APBA1: variants seen among roughly 807,000 people sequenced by gnomAD.
APBA1 encodes the protein amyloid-beta A4 precursor protein-binding family A member 1.
APBA1 carries 55 observed loss-of-function variants against 86.6 expected under a neutral mutation model. The ratio of observed to expected loss-of-function variants is 0.64; its 90% CI spans 0.51 to 0.80. APBA1 has a LOEUF of 0.80. Among genes scored for constraint, APBA1 ranks in the 30% least tolerant of loss-of-function variants. The probability of loss-of-function intolerance (pLI) is 0.00; values close to 1 mark genes in which losing one functional copy is unlikely to be tolerated. For synonymous variants in APBA1, 511 were observed against 493.9 expected (o/e 1.03, Z -0.46); for missense variants, 1,090 against 1,183.0 (o/e 0.92, Z 1.15).
chr9:69,589,251 C>A (rs571586718), intron 1 of APBA1, among the ~76,000 whole-genome samples: 2 of 152,098 alleles, frequency 1.3e-5, no homozygotes, highest in Non-Finnish European at 2.9e-5. Flanking sequence ...CCACTGCTCC[C>A]GGTGTGTCTC....
chr9:69,642,712 G>A (rs564211070), intron 1 of APBA1, among the ~76,000 whole-genome samples: 13 of 151,828 alleles, frequency 8.6e-5, no homozygotes, highest in Non-Finnish European at 1.5e-4. Context: ...TTTTTGAGGA[G>A]ATTAACATTT....
chr9:69,608,964 A>T (rs1822528495), intron 1 of APBA1, among the ~76,000 whole-genome samples: 2 of 152,254 alleles, frequency 1.3e-5, no homozygotes, highest in Admixed American at 1.3e-4. Context: ...AGTAGGTGAT[A>T]TCTAACATGG....
At chr9:69,583,188 G>A (rs1401327015) in intron 1 of APBA1, among the ~76,000 whole-genome samples, 1 of 152,146 alleles carries the variant, frequency 6.6e-6, no homozygotes. Context: ...GGTATTAAGT[G>A]GAAATGCTAT....
chr9:69,553,514 T>TAA, intron 1 of APBA1, among the ~76,000 whole-genome samples: 1 of 152,330 alleles, frequency 6.6e-6, no homozygotes, highest in Non-Finnish European at 1.5e-5. Flanking sequence ...TATAATGATT[T>TAA]AAAATTCACC....
At chr9:69,665,884 C>A (rs1020392678) in intron 1 of APBA1, among the ~76,000 whole-genome samples, 2 of 152,068 alleles carry the variant, frequency 1.3e-5, no homozygotes, top group African/African-American at 4.8e-5. Context: ...TACAAGCATG[C>A]GCCACCATGC....
rs554340981 is a variant in APBA1, at chr9:69,581,487, G to A, written c.-69-64208C>T. On this transcript the variant is annotated intron_variant, in intron 1 of 12. Transcript: ENST00000265381. ...ATATACTGCCTTCAGGTGTGTTTGCGGGGGCAGAGAGTTGACTACGTGAAT... is the reference window on the plus strand; with the variant it reads ...ATATACTGCCTTCAGGTGTGTTTGCAGGGGCAGAGAGTTGACTACGTGAAT... 6.6e-5 allele frequency among the ~76,000 whole-genome samples: 10 copies of A among 152,258 alleles called. No homozygotes were observed. The East Asian group carries it at 1.4e-3, about 21-fold the overall frequency.
chr9:69,612,706 A>G (rs1356253998), intron 1 of APBA1, among the ~76,000 whole-genome samples: 1 of 152,076 alleles, frequency 6.6e-6, no homozygotes, highest in African/African-American at 2.4e-5. Flanking sequence ...AATGTACCAA[A>G]AAGATGTGTT....
chr9:69,597,937 T>C (rs1350334128), intron 1 of APBA1, among the ~76,000 whole-genome samples: 2 of 152,050 alleles, frequency 1.3e-5, no homozygotes, highest in East Asian at 1.9e-4. Flanking sequence ...TTACTGGGTA[T>C]ATACCCAAAG....
chr9:69,619,306 G>A (rs1471345921), intron 1 of APBA1, among the ~76,000 whole-genome samples: 1 of 152,160 alleles, frequency 6.6e-6, no homozygotes, highest in African/African-American at 2.4e-5. Context: ...CATGAAGACT[G>A]ACAGAACTAT....
chr9:69,591,750 G>A (rs1051098993), intron 1 of APBA1, among the ~76,000 whole-genome samples: 4 of 152,274 alleles, frequency 2.6e-5, no homozygotes. Flanking sequence ...TTACAGATCC[G>A]TTAAAATACT....
At chr9:69,656,742 C>T (rs1388791161) in intron 1 of APBA1, among the ~76,000 whole-genome samples, 1 of 151,882 alleles carries the variant, frequency 6.6e-6, no homozygotes, top group East Asian at 1.9e-4. Context: ...TTAAAAACAT[C>T]AAATATTAGA....
At chr9:69,662,758 A>G (rs1823775489) in intron 1 of APBA1, among the ~76,000 whole-genome samples, 1 of 152,192 alleles carries the variant, frequency 6.6e-6, no homozygotes, top group Non-Finnish European at 1.5e-5. Context: ...GGAAGAGTGA[A>G]GGACAGGAAA....
chr9:69,653,019 A>AC (rs569099416), intron 1 of APBA1, among the ~76,000 whole-genome samples: 3 of 151,384 alleles, frequency 2.0e-5, no homozygotes, highest in African/African-American at 2.4e-5. Flanking sequence ...ACAAGCAAAA[A>AC]AAAAACAAAA....
chr9:69,551,000 T>A (rs1318757141), intron 1 of APBA1, among the ~76,000 whole-genome samples: 1 of 152,154 alleles, frequency 6.6e-6, no homozygotes, highest in Non-Finnish European at 1.5e-5. Context: ...TATATGAATA[T>A]CTTAAAACCT....
intron 12 of APBA1, among the ~76,000 whole-genome samples, chr9:69,431,911 T>C (rs1834604265): frequency 6.6e-6 from 1 of 152,084 alleles, no homozygotes; most frequent in Admixed American, 6.5e-5. Context: ...ACAGCAGTGG[T>C]AACTGACAGC....
At chr9:69,553,523 C>T (rs955909388) in intron 1 of APBA1, among the ~76,000 whole-genome samples, 3 of 152,138 alleles carry the variant, frequency 2.0e-5, no homozygotes, top group Non-Finnish European at 2.9e-5. Context: ...TTAAAATTCA[C>T]CCATGTCATT....
intron 1 of APBA1, among the ~76,000 whole-genome samples, chr9:69,629,800 G>C (rs1823003634): frequency 6.6e-6 from 1 of 152,152 alleles, no homozygotes; most frequent in Admixed American, 6.5e-5. Flanking sequence ...ATTCTGTTTA[G>C]GGGACAAATA....
intron 1 of APBA1, among the ~76,000 whole-genome samples, chr9:69,613,661 C>T (rs1264061512): frequency 6.6e-6 from 1 of 152,152 alleles, no homozygotes; most frequent in Admixed American, 6.5e-5. Flanking sequence ...GATGTTCCTC[C>T]TTGAAGGCCT....
At chr9:69,454,991 C>T (rs966593669) in intron 8 of APBA1, among the ~76,000 whole-genome samples, 3 of 152,144 alleles carry the variant, frequency 2.0e-5, no homozygotes, top group African/African-American at 7.2e-5. Context: ...TTCTAGAGAA[C>T]AAGACCAATA....
Sources: gnomAD v4.1 joint callset for allele counts (sites outside exome capture counted in the v4.1 genomes callset) on GRCh38, gnomAD v4.1.1 for gene constraint, MANE v1.5 for transcripts, NCBI Gene and HGNC (gene_info 2026-07-23, HGNC 2026-07-21) for gene names.